Variants in GSG1L observed in about 807,000 individuals in gnomAD.
The protein encoded by GSG1L is germ cell-specific gene 1-like protein.
GSG1L carries 24 observed loss-of-function variants against 42.1 expected under a neutral mutation model. The ratio of observed to expected loss-of-function variants is 0.57; its 90% confidence interval spans 0.41 to 0.80. GSG1L has a LOEUF of 0.80. Ranked by LOEUF, GSG1L falls within the 30% of genes least tolerant of loss-of-function variation. GSG1L has a pLI of 0.00. For missense variants in GSG1L, 445 were observed against 472.2 expected (o/e 0.94, Z 0.53); for synonymous variants, 215 against 203.5 (o/e 1.06, Z -0.48).
At chr16:27,943,167 G>C (rs1384510272) in intron 2 of GSG1L, among the ~76,000 whole-genome samples, 1 of 151,968 alleles carries the variant, frequency 6.6e-6, no homozygotes, top group African/African-American at 2.4e-5. Flanking sequence ...TGATCCTCCT[G>C]TCTTGGCCTC....
intron 3 of GSG1L, among the ~76,000 whole-genome samples, chr16:27,854,967 A>G (rs1017114632): frequency 7.2e-5 from 11 of 152,160 alleles, no homozygotes; most frequent in African/African-American, 2.7e-4. Flanking sequence ...TCTACCCCAG[A>G]AATTCACATG....
At chr16:28,054,052 C>T (rs1239826840) in intron 1 of GSG1L, among the ~76,000 whole-genome samples, 1 of 152,094 alleles carries the variant, frequency 6.6e-6, no homozygotes, top group East Asian at 1.9e-4. Flanking sequence ...CTGTGTGTGC[C>T]ACCCGCCCTG....
In GSG1L at chr16:28,059,603, G is replaced by A. The variant is rs570566083; in HGVS notation, c.349+3473C>T. ...ACAAGCTCCCACCTGCCCCACCATC[G>A]CCCCTAACCCAGACCTTCATTCTCC... On this transcript the variant is annotated intron_variant, in intron 1 of 6. Transcript: ENST00000447459. This position sits in a 1 kb window ranked among gnomAD's most constrained non-coding sequence, Gnocchi z 4.4. Among the ~76,000 whole-genome samples, 7 of 151,494 alleles carry A rather than the reference G, an allele frequency of 4.6e-5. No individual in the cohort carries two copies. The highest frequency in any genetic ancestry group is 4.2e-4 in the South Asian group (2 of 4,794).
At chr16:27,954,434 A>T (rs1241727777) in intron 2 of GSG1L, among the ~76,000 whole-genome samples, 1 of 152,174 alleles carries the variant, frequency 6.6e-6, no homozygotes, top group Admixed American at 6.5e-5. Flanking sequence ...TAGAGGAACC[A>T]GGCCCAGCTG....
At chr16:27,946,781 G>A (rs1416303214) in intron 2 of GSG1L, among the ~76,000 whole-genome samples, 1 of 152,188 alleles carries the variant, frequency 6.6e-6, no homozygotes, top group Non-Finnish European at 1.5e-5. Flanking sequence ...TGTTTTAGCT[G>A]AGTAGAAATA....
chr16:27,832,000 C>A (rs1429377024), intron 4 of GSG1L, among the ~76,000 whole-genome samples: 1 of 152,168 alleles, frequency 6.6e-6, no homozygotes, highest in Non-Finnish European at 1.5e-5. Context: ...GTGAATGTCA[C>A]CCCTTCCTCA....
chr16:27,969,402 G>A (rs1024543454), intron 1 of GSG1L, among the ~76,000 whole-genome samples: 3 of 152,052 alleles, frequency 2.0e-5, no homozygotes, highest in African/African-American at 7.2e-5. Flanking sequence ...TGGAATTATA[G>A]AATACACTCA....
chr16:27,844,856 A>ACCCCCCCCCC, intron 4 of GSG1L, 94 bp downstream of exon 4: 1 of 69,334 alleles, frequency 1.4e-5, no homozygotes, highest in Non-Finnish European at 3.4e-5. Context: ...CCTCCCCCCC[A>ACCCCCCCCCC]CCGCCCCCCA....
In GSG1L at chr16:27,845,030, G is replaced by A. The variant is rs1422848626; in HGVS notation, c.582C>T (p.Tyr194=). Residue 194 remains tyrosine (Y), a synonymous_variant, in exon 4 of 7, where the codon TAC becomes TAT. Coordinates refer to ENST00000447459, the MANE Select transcript of GSG1L (RefSeq NM_001109763.2). ...GLLGMVAHMM[Y]TQVFQVTVSL... is the part of the protein sequence containing the mutation. ...TCACGGTGACCTGGAACACCTGCGT[G>A]TACATCATGTGGGCGACCATTCCCA... The A allele has an allele frequency of 6.2e-7, 1 of 1,613,638 alleles. No homozygotes were observed. The highest frequency in any genetic ancestry group is 1.1e-5 in the South Asian group (1 of 90,984).
chr16:27,812,477 G>A (rs2083043637), intron 5 of GSG1L, among the ~76,000 whole-genome samples: 1 of 152,222 alleles, frequency 6.6e-6, no homozygotes, highest in African/African-American at 2.4e-5. Flanking sequence ...AGACATAGAC[G>A]AGATGGAAAC....
chr16:27,964,965 T>A (rs895464153), intron 1 of GSG1L, among the ~76,000 whole-genome samples: 2 of 152,224 alleles, frequency 1.3e-5, no homozygotes, highest in Non-Finnish European at 2.9e-5. Flanking sequence ...AAACATCTCA[T>A]GTACCCCATA....
chr16:27,885,092 A>C (rs11640689), intron 2 of GSG1L, among the ~76,000 whole-genome samples: 24,528 of 152,100 alleles, frequency 0.16, 3,184 homozygotes, highest in African/African-American at 0.33. Context: ...CCAGTTAGTG[A>C]GAGGTTCTGT....
chr16:27,996,143 T>C (rs1429593777), intron 1 of GSG1L, among the ~76,000 whole-genome samples: 2 of 152,114 alleles, frequency 1.3e-5, no homozygotes, highest in Non-Finnish European at 2.9e-5. Context: ...CATTTCTCTC[T>C]AGGTCCATTG....
At position 27,884,522 on chromosome 16, in the gene GSG1L, G is replaced by T. The variant is rs772357397; in HGVS notation, c.514C>A (p.Leu172Ile). 2 of 1,613,958 alleles carry T rather than the reference G, an allele frequency of 1.2e-6. No individual in the cohort carries two copies. Among genetic ancestry groups the T allele is most frequent in the Non-Finnish European group, 1.7e-6 (2 of 1,179,962 alleles). ...GTGAAGACAGCCGCGAAGGCATTGAGCTTGAGCCCGTCGATGACATTGCTG... is the reference window on the plus strand; with the variant it reads ...GTGAAGACAGCCGCGAAGGCATTGATCTTGAGCCCGTCGATGACATTGCTG... ...HSSNVIDGLKLNAFAAVFTVL... is the reference protein window; with the variant it reads ...HSSNVIDGLKINAFAAVFTVL... The change falls in exon 3 of 7, where the codon CTC (leucine) becomes ATC (isoleucine). Residue 172 changes from leucine to isoleucine, a missense_variant. Physicochemically the swap from Leu to Ile is conservative, Grantham distance 5. Around this residue, in one of 3 missense-constraint regions of GSG1L, gnomAD observed 149 missense variants for 223.3 expected, o/e 0.67. Transcript: ENST00000447459. This position sits in a 1 kb window ranked among gnomAD's most constrained non-coding sequence, Gnocchi z 4.4.
At chr16:27,946,726 G>A (rs761293879) in intron 2 of GSG1L, among the ~76,000 whole-genome samples, 9 of 151,718 alleles carry the variant, frequency 5.9e-5, no homozygotes, top group Non-Finnish European at 1.0e-4. Context: ...AGAGTATCAG[G>A]CTGTGAATGG....
chr16:27,916,685 G>T (rs2084459826), intron 2 of GSG1L, among the ~76,000 whole-genome samples: 1 of 151,920 alleles, frequency 6.6e-6, no homozygotes. Context: ...CCCATCTCAG[G>T]CTCTGTTCCC....
At chr16:28,013,566 G>A (rs546036657) in intron 1 of GSG1L, among the ~76,000 whole-genome samples, 9 of 152,270 alleles carry the variant, frequency 5.9e-5, no homozygotes, top group Non-Finnish European at 4.4e-5. Flanking sequence ...GTGACTGTAC[G>A]TCCACACATG....
intron 3 of GSG1L, among the ~76,000 whole-genome samples, chr16:27,867,626 C>T (rs564219634): frequency 6.6e-6 from 1 of 152,250 alleles, no homozygotes; most frequent in African/African-American, 2.4e-5. Flanking sequence ...TACGACAGGG[C>T]TTTGGCCTCG....
chr16:27,960,174 G>C lies in GSG1L; in HGVS notation c.397+2982C>G, dbSNP rs143210146. 2.1e-4 allele frequency among the ~76,000 whole-genome samples: 32 copies of C among 152,268 alleles called. No homozygotes were observed. The East Asian group carries it at 5.8e-3, about 28-fold the overall frequency. On this transcript the variant is annotated intron_variant, in intron 2 of 6. Transcript: ENST00000447459. ...GAAGGAAAGCACTCACCGGACCTCA[G>C]CTGATAAAGGGAGTACAGATATCCC...
Sources: allele counts gnomAD v4.1 joint callset (sites outside exome capture counted in the v4.1 genomes callset), GRCh38; gene constraint gnomAD v4.1.1; regional missense constraint gnomAD v4.1.1; non-coding constraint Gnocchi (gnomAD v3.1); transcripts MANE v1.5; gene names NCBI Gene and HGNC (gene_info 2026-07-23, HGNC 2026-07-21).